Variants in ADAMTS9 observed in about 807,000 individuals in gnomAD.
ADAMTS9 encodes A disintegrin and metalloproteinase with thrombospondin motifs 9.
ADAMTS9 carries 107 observed loss-of-function variants against 257.1 expected under a neutral mutation model. The observed-to-expected ratio is 0.42, with a 90% CI of 0.36 to 0.49. The LOEUF is 0.49. ADAMTS9 is among the 20% of genes least tolerant of loss of function. ADAMTS9 has a pLI of 0.03. For missense variants in ADAMTS9, 2,353 were observed against 2,469.1 expected (o/e 0.95, Z 1.00); for synonymous variants, 982 against 880.9 (o/e 1.11, Z -2.03).
rs1388691069 is a variant in ADAMTS9, at chr3:64,516,957, ATATG to A, written c.*166_*169del. 1.3e-5 allele frequency: 2 copies of A among 152,536 alleles called. No individual in the cohort carries two copies. Among genetic ancestry groups the A allele is most frequent in the African/African-American group, 4.8e-5 (2 of 41,436 alleles). 9.4% of individuals were successfully genotyped at this position (152,536 alleles called of 1,614,324 possible). ...TCTACATACACACATATATGTGTAT[ATATG>A]TATGTGTAGATATGTATATATGTAT... On this transcript the variant is annotated 3_prime_UTR_variant, in exon 40 of 40. Transcript: ENST00000498707.
intron 11 of ADAMTS9, among the ~76,000 whole-genome samples, chr3:64,646,189 A>T (rs1372253541): frequency 1.3e-5 from 2 of 152,218 alleles, no homozygotes; most frequent in African/African-American, 4.8e-5. Flanking sequence ...AACAGATTCA[A>T]TTTAAGTAAT....
Position 64,687,851 on chromosome 3 carries a change from G to A in ADAMTS9, c.-194C>T, listed in dbSNP as rs1250578071. 6.6e-6 allele frequency: 3 copies of A among 452,848 alleles called. No individual in the cohort carries two copies. The highest frequency in any genetic ancestry group is 4.0e-5 in the South Asian group (1 of 24,966). 28.1% of individuals were successfully genotyped at this position (452,848 alleles called of 1,614,324 possible). A position where few individuals can be genotyped will look rare whatever the true frequency, so the allele number is the denominator to read the frequency against. ...GCTCGGCTGAGCAACGCCGCCGCCT[G>A]CCGAGAGCTGAGCCGCTCGGGCCGC... On this transcript the variant is annotated 5_prime_UTR_variant, in exon 1 of 40. The change creates a premature stop within an existing upstream ORF in the 5' untranslated region. Coordinates refer to ENST00000498707, the MANE Select transcript of ADAMTS9 (RefSeq NM_182920.2). This position sits in a 1 kb window ranked among gnomAD's most constrained non-coding sequence, Gnocchi z 4.4.
intron 28 of ADAMTS9, among the ~76,000 whole-genome samples, chr3:64,578,691 A>C (rs1183349974): frequency 6.6e-6 from 1 of 152,136 alleles, no homozygotes; most frequent in African/African-American, 2.4e-5. Context: ...TTCCTCCACA[A>C]ATCTGTTCTT....
intron 30 of ADAMTS9, among the ~76,000 whole-genome samples, chr3:64,551,776 A>C (rs1696655461): frequency 6.6e-6 from 1 of 152,184 alleles, no homozygotes; most frequent in South Asian, 2.1e-4. Context: ...CATGGAACCA[A>C]ACAAATCTCT....
At chr3:64,675,402 A>G (rs1701601407) in intron 3 of ADAMTS9, among the ~76,000 whole-genome samples, 2 of 152,170 alleles carry the variant, frequency 1.3e-5, no homozygotes, top group South Asian at 2.1e-4. Flanking sequence ...AGGGGTTTGT[A>G]GGCCAGGCAT....
At chr3:64,548,604 A>T (rs35444932) in intron 31 of ADAMTS9, among the ~76,000 whole-genome samples, 3 of 148,628 alleles carry the variant, frequency 2.0e-5, no homozygotes, top group South Asian at 2.1e-4. Flanking sequence ...TGTGGGGGGG[A>T]GCCCAGTGGG....
chr3:64,643,470 T>TTTTTTTTTTTTTTA (rs1700709156), intron 11 of ADAMTS9, among the ~76,000 whole-genome samples: 1 of 109,942 alleles, frequency 9.1e-6, no homozygotes, highest in African/African-American at 3.3e-5. Flanking sequence ...TTTTTTTTTT[T>TTTTTTTTTTTTTTA]GAGACAGAGT....
intron 22 of ADAMTS9, among the ~76,000 whole-genome samples, chr3:64,613,025 G>A (rs1456387127): frequency 6.6e-6 from 1 of 152,122 alleles, no homozygotes; most frequent in Non-Finnish European, 1.5e-5. Context: ...CAGACCCACA[G>A]AGGCACGCTA....
At chr3:64,566,060 T>C (rs891285752) in intron 29 of ADAMTS9, among the ~76,000 whole-genome samples, 1 of 152,198 alleles carries the variant, frequency 6.6e-6, no homozygotes, top group African/African-American at 2.4e-5. Flanking sequence ...ACCAATTATT[T>C]TTCCTACCTT....
chr3:64,627,312 A>G (rs1342386537), intron 16 of ADAMTS9, among the ~76,000 whole-genome samples: 1 of 152,106 alleles, frequency 6.6e-6, no homozygotes, highest in Admixed American at 6.6e-5. Flanking sequence ...GAGGAGCACA[A>G]ATGATATCGG....
At chr3:64,658,475 A>G (rs202024868) in intron 4 of ADAMTS9, 27 bp downstream of exon 4, 7 of 1,595,544 alleles carry the variant, frequency 4.4e-6, no homozygotes, top group Non-Finnish European at 6.0e-6. Context: ...GAGACCTCAT[A>G]AATCACCTTC....
At chr3:64,660,641 C>T (rs985441966) in intron 3 of ADAMTS9, among the ~76,000 whole-genome samples, 28 of 152,112 alleles carry the variant, frequency 1.8e-4, no homozygotes, top group Admixed American at 1.2e-3. Flanking sequence ...GTAGCCATTC[C>T]GGTGATCAGA....
intron 22 of ADAMTS9, among the ~76,000 whole-genome samples, chr3:64,609,855 T>A (rs539829871): frequency 2.0e-5 from 3 of 152,218 alleles, no homozygotes; most frequent in African/African-American, 7.2e-5. Context: ...GCTGGGGGAA[T>A]CATACCTCAC....
chr3:64,650,875 T>TC (rs1700914990), intron 9 of ADAMTS9, 142 bp downstream of exon 9: 1 of 781,238 alleles, frequency 1.3e-6, no homozygotes, highest in East Asian at 3.2e-5. Context: ...AGCTTTTTTT[T>TC]TTTTTTTTTG....
At chr3:64,586,971 C>G (rs1284988645) in intron 28 of ADAMTS9, 1 of 152,142 alleles carries the variant, frequency 6.6e-6, no homozygotes, top group East Asian at 1.9e-4. Flanking sequence ...TTTGCCGTCT[C>G]CTAAAAAGCA....
intron 29 of ADAMTS9, among the ~76,000 whole-genome samples, chr3:64,564,103 G>A (rs114472523): frequency 2.0e-3 from 298 of 152,252 alleles, no homozygotes; most frequent in African/African-American, 6.3e-3. Context: ...CTTTTAGTTC[G>A]TTTGCAGATG....
chr3:64,562,369 A>G (rs1365185662), intron 29 of ADAMTS9, among the ~76,000 whole-genome samples: 3 of 152,244 alleles, frequency 2.0e-5, no homozygotes, highest in Non-Finnish European at 4.4e-5. Context: ...AGCTGACAGG[A>G]AAAACCATTT....
At position 64,687,613 on chromosome 3, in the gene ADAMTS9, C is replaced by T; in HGVS notation, c.45G>A (p.Arg15=). The part of the protein sequence containing the change: ...SWATLLTLLV[R]DLAEMGSPDA... ...CTGGGCTCCCCATCTCGGCCAGGTC[C>T]CGCACCAGGAGCGTTAGCAGTGTGG... is the stretch of plus-strand genomic sequence containing the variant. The change falls in exon 1 of 40, where the codon CGG becomes CGA. Residue 15 remains arginine, a synonymous_variant. Transcript: ENST00000498707. This position sits in a 1 kb window ranked among gnomAD's most constrained non-coding sequence, Gnocchi z 4.4. 1.3e-6 allele frequency: 2 copies of T among 1,586,890 alleles called. No individual in the cohort carries two copies. Among genetic ancestry groups the T allele is most frequent in the African/African-American group, 1.4e-5 (1 of 74,012 alleles).
rs545287110 is a variant in ADAMTS9, at chr3:64,677,745, C to T, written c.679+3456G>A. On this transcript the variant is annotated intron_variant, in intron 3 of 39. Transcript: ENST00000498707. ...AATCTTGAAAGGTACATGTTATCCT[C>T]ACTTTATATTCTAAAGTGTGCTTGA... Among the ~76,000 whole-genome samples the T allele has an allele frequency of 1.0e-3, 154 of 152,316 alleles. 2 individuals are homozygous for T. The highest frequency in any genetic ancestry group is 3.4e-3 in the African/African-American group (143 of 41,566).
Sources: allele counts gnomAD v4.1 joint callset (sites outside exome capture counted in the v4.1 genomes callset), GRCh38; gene constraint gnomAD v4.1.1; non-coding constraint Gnocchi (gnomAD v3.1); transcripts MANE v1.5; gene names NCBI Gene and HGNC (gene_info 2026-07-23, HGNC 2026-07-21).